The following VRK2 variants were observed in gnomAD, a reference collection of about 807,000 sequenced individuals.
The protein encoded by VRK2 is serine/threonine-protein kinase VRK2.
In VRK2, 60 loss-of-function variants were observed where a neutral mutation model predicts 57.6. That is an observed-to-expected ratio of 1.04 (90% CI 0.85 to 1.29). The LOEUF is 1.29. Among genes scored for constraint, VRK2 ranks in the 50% most tolerant of loss-of-function variants. The probability of loss-of-function intolerance (pLI) is 0.00; values close to 1 mark genes in which losing one functional copy is unlikely to be tolerated. For synonymous variants in VRK2, 231 were observed against 199.2 expected (o/e 1.16, Z -1.35); for missense variants, 705 against 588.1 (o/e 1.20, Z -2.06).
chr2:57,918,596 G>GT (rs1212180213), intron 1 of VRK2, among the ~76,000 whole-genome samples: 1 of 152,062 alleles, frequency 6.6e-6, no homozygotes, highest in Non-Finnish European at 1.5e-5. Context: ...TAAATGAATA[G>GT]TGAGTGGGAC....
chr2:58,008,789 G>C (rs1045459193), intron 1 of VRK2, among the ~76,000 whole-genome samples: 3 of 152,062 alleles, frequency 2.0e-5, no homozygotes, highest in Non-Finnish European at 4.4e-5. Flanking sequence ...TAGTCAATTT[G>C]TGCTATAACA....
At chr2:58,145,486 T>C (rs1460076017) in intron 11 of VRK2, among the ~76,000 whole-genome samples, 2 of 152,036 alleles carry the variant, frequency 1.3e-5, no homozygotes, top group Non-Finnish European at 2.9e-5. Flanking sequence ...ATATACTGGA[T>C]ACACTCCCAG....
At position 58,019,325 on chromosome 2, in the gene VRK2, C is replaced by CT. The variant is rs199617596; in HGVS notation, c.-438-6332dup. On this transcript the variant is annotated intron_variant, in intron 1 of 15. Coordinates refer to the VRK2 transcript ENST00000417641. ...TAAGACTAATTAATAAGTATATCCG[C>CT]TTTTTTTTAGGAAATTCAGCAGTGG... is the stretch of plus-strand genomic sequence containing the variant. Among the ~76,000 whole-genome samples, 1,028 of 151,930 alleles carry CT rather than the reference C, an allele frequency of 6.8e-3. 11 individuals are homozygous for CT. Among genetic ancestry groups the CT allele is most frequent in the African/African-American group, 0.023 (936 of 41,478 alleles).
chr2:57,923,216 C>A (rs1431705553), intron 1 of VRK2, among the ~76,000 whole-genome samples: 1 of 151,978 alleles, frequency 6.6e-6, no homozygotes, highest in Non-Finnish European at 1.5e-5. Flanking sequence ...AAACTGATTT[C>A]TATTCTTTGG....
intron 3 of VRK2, among the ~76,000 whole-genome samples, chr2:58,041,269 A>G (rs75497893): frequency 0.021 from 3,147 of 152,276 alleles, 123 homozygotes; most frequent in African/African-American, 0.072. Flanking sequence ...TCTACAAATT[A>G]ATATGCTTAA....
rs552630875 is a variant in VRK2, at chr2:57,956,700, C to A, written c.-439+48861C>A. Among the ~76,000 whole-genome samples, 3 of 152,166 alleles carry A rather than the reference C, an allele frequency of 2.0e-5. No individual in the cohort carries two copies. The East Asian group carries it at 5.8e-4, about 29-fold the overall frequency. ...AGGGCAAAAGCATGGATTATTTATG[C>A]CTTATTTGGAGAAGAAAGTAGGCAT... On this transcript the variant is annotated intron_variant, in intron 1 of 15. Transcript: ENST00000417641.
chr2:58,007,028 T>C (rs1037393170), intron 1 of VRK2, among the ~76,000 whole-genome samples: 20 of 151,978 alleles, frequency 1.3e-4, no homozygotes, highest in African/African-American at 4.6e-4. Context: ...TCTCTCAGCC[T>C]TCCCCAAAGA....
At chr2:57,957,661 C>T (rs1157340723) in intron 1 of VRK2, among the ~76,000 whole-genome samples, 2 of 148,044 alleles carry the variant, frequency 1.4e-5, no homozygotes, top group Non-Finnish European at 3.0e-5. Flanking sequence ...TAGATATAGA[C>T]ATAGATATTT....
intron 8 of VRK2, among the ~76,000 whole-genome samples, chr2:58,128,007 T>G (rs992931081): frequency 6.6e-6 from 1 of 152,204 alleles, no homozygotes; most frequent in Admixed American, 6.5e-5. Context: ...CTAAGATAAC[T>G]TATCTGTTGT....
intron 1 of VRK2, among the ~76,000 whole-genome samples, chr2:57,993,754 C>A (rs1672841899): frequency 6.6e-6 from 1 of 152,176 alleles, no homozygotes; most frequent in South Asian, 2.1e-4. Context: ...GGGCTGAGAT[C>A]ACAGAGTTCA....
At chr2:58,007,637 T>C (rs1218699501) in intron 1 of VRK2, among the ~76,000 whole-genome samples, 2 of 152,126 alleles carry the variant, frequency 1.3e-5, no homozygotes, top group Admixed American at 1.3e-4. Context: ...TAATCAACTG[T>C]TTATGTTATT....
intron 1 of VRK2, among the ~76,000 whole-genome samples, chr2:57,973,459 A>T (rs1288654817): frequency 6.6e-6 from 1 of 151,954 alleles, no homozygotes; most frequent in East Asian, 1.9e-4. Context: ...AGCATTTGCC[A>T]ACATGTCATT....
At chr2:58,071,422 A>G (rs1332546959) in intron 2 of VRK2, among the ~76,000 whole-genome samples, 1 of 152,004 alleles carries the variant, frequency 6.6e-6, no homozygotes, top group Non-Finnish European at 1.5e-5. Flanking sequence ...CCAGAAGTTT[A>G]TCGTTTTTGC....
intron 1 of VRK2, among the ~76,000 whole-genome samples, chr2:57,925,993 T>A (rs1233818124): frequency 6.6e-6 from 1 of 152,080 alleles, no homozygotes; most frequent in Non-Finnish European, 1.5e-5. Context: ...GACCCACTGG[T>A]CATTCAGGAG....
chr2:58,119,844 G>A (rs933900835), intron 7 of VRK2, among the ~76,000 whole-genome samples: 3 of 151,530 alleles, frequency 2.0e-5, no homozygotes, highest in Non-Finnish European at 2.9e-5. Context: ...GTCCAAACTA[G>A]GAAAAAAAGG....
chr2:57,944,133 G>A (rs1362107182), intron 1 of VRK2, among the ~76,000 whole-genome samples: 1 of 152,170 alleles, frequency 6.6e-6, no homozygotes, highest in East Asian at 1.9e-4. Context: ...AAGGGTAAGA[G>A]GGAATCTTTG....
At chr2:58,059,307 A>G (rs1676987455) in intron 2 of VRK2, among the ~76,000 whole-genome samples, 1 of 152,066 alleles carries the variant, frequency 6.6e-6, no homozygotes, top group South Asian at 2.1e-4. Flanking sequence ...AAAACTGAAT[A>G]CATTTGTCTA....
intron 7 of VRK2, among the ~76,000 whole-genome samples, chr2:58,091,496 C>G (rs1162882019): frequency 6.6e-6 from 1 of 151,414 alleles, no homozygotes; most frequent in African/African-American, 2.4e-5. Context: ...ACTTAAATAA[C>G]AATATACCTA....
chr2:58,061,505 C>T (rs972509995), intron 2 of VRK2, among the ~76,000 whole-genome samples: 3 of 151,818 alleles, frequency 2.0e-5, no homozygotes, highest in African/African-American at 4.8e-5. Context: ...ACTTCATAAT[C>T]GGTTGCCAAA....
Sources: gnomAD v4.1 joint callset for allele counts (sites outside exome capture counted in the v4.1 genomes callset) on GRCh38, gnomAD v4.1.1 for gene constraint, MANE v1.5 for transcripts, NCBI Gene and HGNC (gene_info 2026-07-23, HGNC 2026-07-21) for gene names.